Variants in CPA6 observed in about 807,000 individuals in gnomAD.
CPA6 encodes the protein carboxypeptidase A6.
Under a neutral mutation model 63.3 loss-of-function variants are expected in CPA6, and 58 were observed. The ratio of observed to expected loss-of-function variants is 0.92; its 90% CI spans 0.74 to 1.14. The LOEUF is 1.14. CPA6 is among the 50% of genes most tolerant of loss of function. The pLI, the probability that CPA6 is intolerant of heterozygous loss-of-function variation, is 0.00. For synonymous variants in CPA6, 185 were observed against 179.0 expected (o/e 1.03, Z -0.27); for missense variants, 565 against 526.6 (o/e 1.07, Z -0.71).
chr8:67,514,019 C>T lies in CPA6; in HGVS notation c.318-2364G>A, dbSNP rs374133988. 6.1e-4 allele frequency among the ~76,000 whole-genome samples: 92 copies of T among 151,294 alleles called. 1 individual carries two copies. The South Asian group carries it at 8.2e-3, about 13-fold the overall frequency. ...TGTCACCCAGGCTGGAGTGCAGTGG[C>T]GTGAACTCGGCTCACTGCAACTCCA... On this transcript the variant is annotated intron_variant, in intron 3 of 10. Transcript: ENST00000297770.
chr8:67,563,428 A>G (rs562849046), intron 2 of CPA6, among the ~76,000 whole-genome samples: 1 of 152,310 alleles, frequency 6.6e-6, no homozygotes, highest in East Asian at 1.9e-4. Flanking sequence ...AAATTGTAAC[A>G]ACTTAGGAAG....
chr8:67,594,572 CTTTG>C (rs1369721728), intron 2 of CPA6, among the ~76,000 whole-genome samples: 1 of 152,154 alleles, frequency 6.6e-6, no homozygotes, highest in East Asian at 1.9e-4. Flanking sequence ...TTCTTGGAGG[CTTTG>C]TTTGTTTCTT....
At chr8:67,618,918 T>G (rs1815016819) in intron 2 of CPA6, among the ~76,000 whole-genome samples, 1 of 152,184 alleles carries the variant, frequency 6.6e-6, no homozygotes, top group Non-Finnish European at 1.5e-5. Flanking sequence ...AATTAACAAT[T>G]TAATTGGTTG....
chr8:67,537,481 A>G (rs1812609419), intron 2 of CPA6, among the ~76,000 whole-genome samples: 1 of 152,210 alleles, frequency 6.6e-6, no homozygotes, highest in African/African-American at 2.4e-5. Flanking sequence ...TTATTTGCGT[A>G]GAGGTGTTTA....
At chr8:67,563,937 T>C (rs139631077) in intron 2 of CPA6, among the ~76,000 whole-genome samples, 1 of 152,176 alleles carries the variant, frequency 6.6e-6, no homozygotes, top group African/African-American at 2.4e-5. Flanking sequence ...GGGGTACGTG[T>C]AGCTCATTGA....
chr8:67,474,689 C>T (rs1811135673), intron 8 of CPA6, among the ~76,000 whole-genome samples: 1 of 152,098 alleles, frequency 6.6e-6, no homozygotes, highest in Admixed American at 6.5e-5. Context: ...AGAACCAGTT[C>T]TTCTGGTCGG....
At chr8:67,595,069 C>A (rs1395541861) in intron 2 of CPA6, among the ~76,000 whole-genome samples, 1 of 152,044 alleles carries the variant, frequency 6.6e-6, no homozygotes, top group Non-Finnish European at 1.5e-5. Context: ...GTGTGGATGT[C>A]CTTTCTGTTT....
intron 2 of CPA6, among the ~76,000 whole-genome samples, chr8:67,565,155 TTTTTCTTTTTC>T (rs1813305489): frequency 8.8e-6 from 1 of 114,234 alleles, no homozygotes; most frequent in South Asian, 2.7e-4. Context: ...TGCCACAGCG[TTTTTCTTTTTC>T]TTTCTTTTTT....
intron 2 of CPA6, among the ~76,000 whole-genome samples, chr8:67,523,123 C>A (rs1812293878): frequency 6.6e-6 from 1 of 152,220 alleles, no homozygotes; most frequent in East Asian, 1.9e-4. Context: ...TGCAGGCAAT[C>A]TACTTAGCTC....
intron 8 of CPA6, among the ~76,000 whole-genome samples, chr8:67,471,814 A>T (rs540451195): frequency 1.3e-5 from 2 of 152,352 alleles, no homozygotes; most frequent in South Asian, 2.1e-4. Context: ...ATATAAATTG[A>T]AAGAGAATTG....
chr8:67,556,490 T>G (rs1207504665), intron 2 of CPA6, among the ~76,000 whole-genome samples: 1 of 152,170 alleles, frequency 6.6e-6, no homozygotes, highest in East Asian at 1.9e-4. Flanking sequence ...TGCAGGTACT[T>G]GGCCCCCAGC....
intron 1 of CPA6, among the ~76,000 whole-genome samples, chr8:67,665,218 G>A (rs1173289244): frequency 1.3e-5 from 2 of 152,130 alleles, no homozygotes; most frequent in Non-Finnish European, 2.9e-5. Context: ...AAACATTCAG[G>A]TTAAAAGTCT....
chr8:67,686,013 G>A (rs528139630), intron 1 of CPA6, among the ~76,000 whole-genome samples: 7 of 152,092 alleles, frequency 4.6e-5, no homozygotes, highest in Non-Finnish European at 8.8e-5. Flanking sequence ...ACTCACTGCC[G>A]CTTGATAATT....
chr8:67,549,975 T>G (rs1812904793), intron 2 of CPA6, among the ~76,000 whole-genome samples: 1 of 152,264 alleles, frequency 6.6e-6, no homozygotes, highest in African/African-American at 2.4e-5. Flanking sequence ...TTTGAGATCC[T>G]GATTTCAATT....
intron 2 of CPA6, among the ~76,000 whole-genome samples, chr8:67,541,988 G>A (rs762958057): frequency 6.6e-6 from 1 of 152,230 alleles, no homozygotes; most frequent in Non-Finnish European, 1.5e-5. Flanking sequence ...ATGAGACAAC[G>A]ATTATCCACT....
At chr8:67,477,174 C>G (rs1811258655) in intron 8 of CPA6, among the ~76,000 whole-genome samples, 1 of 151,270 alleles carries the variant, frequency 6.6e-6, no homozygotes, top group African/African-American at 2.4e-5. Context: ...ACCTGTAGTC[C>G]CAGCTACTTG....
intron 2 of CPA6, among the ~76,000 whole-genome samples, chr8:67,549,599 C>G (rs6472318): frequency 0.039 from 6,000 of 152,270 alleles, 315 homozygotes; most frequent in African/African-American, 0.12. Context: ...TTATCATGTA[C>G]AGTTGAAGAT....
chr8:67,676,805 G>T (rs1816484224), intron 1 of CPA6, among the ~76,000 whole-genome samples: 1 of 152,122 alleles, frequency 6.6e-6, no homozygotes, highest in African/African-American at 2.4e-5. Flanking sequence ...TGTTTAAAAT[G>T]TATCCAGTAT....
chr8:67,731,969 G>A (rs531051228), intron 1 of CPA6, among the ~76,000 whole-genome samples: 2 of 152,048 alleles, frequency 1.3e-5, no homozygotes, highest in Non-Finnish European at 2.9e-5. Flanking sequence ...GGCAAGGGTC[G>A]CTTCTCTAAA....
Sources: gnomAD v4.1 joint callset for allele counts (sites outside exome capture counted in the v4.1 genomes callset) on GRCh38, gnomAD v4.1.1 for gene constraint, MANE v1.5 for transcripts, NCBI Gene and HGNC (gene_info 2026-07-23, HGNC 2026-07-21) for gene names.